IL1RAPL2: variants seen among roughly 807,000 people sequenced by gnomAD.
The protein encoded by IL1RAPL2 is interleukin 1 receptor accessory protein like 2.
A neutral mutation model predicts 44.1 loss-of-function variants in IL1RAPL2; 3 were observed. That is an observed-to-expected ratio of 0.07 (90% CI 0.03 to 0.18). The LOEUF is 0.18. Among genes scored for constraint, IL1RAPL2 ranks in the 10% least tolerant of loss-of-function variants. IL1RAPL2 has a pLI of 1.00. For missense variants in IL1RAPL2, 391 were observed against 496.4 expected (o/e 0.79, Z 2.02); for synonymous variants, 181 against 178.8 (o/e 1.01, Z -0.10).
At chrX:104,638,210 T>G (rs1032777849) in intron 1 of IL1RAPL2, among the ~76,000 whole-genome samples, 1 of 107,129 alleles carries the variant, frequency 9.3e-6, no homozygotes, top group Non-Finnish European at 1.9e-5. Flanking sequence ...AGTTGAAATG[T>G]TTTTTTTTCA....
intron 5 of IL1RAPL2, among the ~76,000 whole-genome samples, chrX:105,378,345 G>A (rs1432661094): frequency 8.9e-6 from 1 of 111,839 alleles, no homozygotes; most frequent in African/African-American, 3.2e-5. Flanking sequence ...GAAGAATGCT[G>A]TCTTTTATTT....
At chrX:105,145,872 G>A (rs890651335) in intron 2 of IL1RAPL2, among the ~76,000 whole-genome samples, 3 of 111,633 alleles carry the variant, frequency 2.7e-5, no homozygotes, top group African/African-American at 9.8e-5. Flanking sequence ...AAAATCATAT[G>A]TTGAAATCCT....
chrX:105,070,992 C>T (rs1490469575), intron 2 of IL1RAPL2, among the ~76,000 whole-genome samples: 1 of 111,303 alleles, frequency 9.0e-6, no homozygotes, highest in Non-Finnish European at 1.9e-5. Flanking sequence ...CAGCTGAGCA[C>T]TTGAAATGTG....
At chrX:105,167,567 G>A (rs2147598150) in intron 2 of IL1RAPL2, among the ~76,000 whole-genome samples, 1 of 110,869 alleles carries the variant, frequency 9.0e-6, no homozygotes, top group South Asian at 3.9e-4. Flanking sequence ...GCAGTTCTTT[G>A]AAAACAGCTT....
intron 6 of IL1RAPL2, among the ~76,000 whole-genome samples, chrX:105,593,342 A>C (rs1299269421): frequency 1.8e-5 from 2 of 111,457 alleles, no homozygotes. Context: ...TATTGGATTC[A>C]TTCCTTAGAT....
At chrX:104,916,298 T>A (rs1256649036) in intron 2 of IL1RAPL2, among the ~76,000 whole-genome samples, 5 of 111,793 alleles carry the variant, frequency 4.5e-5, no homozygotes, top group Non-Finnish European at 7.5e-5. Flanking sequence ...CCTTGTAAGT[T>A]GGATTCCTAG....
chrX:105,340,327 C>T (rs752773738), intron 5 of IL1RAPL2, among the ~76,000 whole-genome samples: 8 of 111,385 alleles, frequency 7.2e-5, no homozygotes, highest in African/African-American at 2.3e-4. Context: ...GAAATATTTC[C>T]AGAATCTGAG....
At chrX:105,260,846 G>A (rs1472518296) in intron 4 of IL1RAPL2, among the ~76,000 whole-genome samples, 1 of 112,481 alleles carries the variant, frequency 8.9e-6, no homozygotes, top group Non-Finnish European at 1.9e-5. Flanking sequence ...TTTTTAGGGA[G>A]GTGCAATGCC....
chrX:105,216,333 CA>C (rs1415480750), intron 3 of IL1RAPL2, among the ~76,000 whole-genome samples: 1 of 110,598 alleles, frequency 9.0e-6, no homozygotes, highest in Non-Finnish European at 1.9e-5. Flanking sequence ...AGCAGAGAGC[CA>C]AATCATGAGT....
chrX:105,259,842 G>T lies in IL1RAPL2; in HGVS notation c.544-7546G>T, dbSNP rs532958711. Among the ~76,000 whole-genome samples the T allele has an allele frequency of 1.5e-4, 17 of 111,824 alleles. No homozygotes were observed. The South Asian group carries it at 6.5e-3, about 43-fold the overall frequency. The stretch of plus-strand genomic sequence containing the variant: ...GCTAAGTTGCCTGGAGGACCTGCCC[G>T]GTAAGGAGATATGGGAATAGGCACC... On this transcript the variant is annotated intron_variant, in intron 4 of 10. Transcript: ENST00000372582.
At chrX:105,253,625 A>T (rs1274624408) in intron 4 of IL1RAPL2, among the ~76,000 whole-genome samples, 4 of 111,346 alleles carry the variant, frequency 3.6e-5, no homozygotes, top group African/African-American at 1.3e-4. Context: ...AACACGTGTC[A>T]CAGGGGTTTG....
chrX:104,852,001 C>T (rs1922238481), intron 2 of IL1RAPL2, among the ~76,000 whole-genome samples: 1 of 111,285 alleles, frequency 9.0e-6, no homozygotes, highest in Non-Finnish European at 1.9e-5. Flanking sequence ...CCCACTAGGC[C>T]CCACTTTCCA....
intron 3 of IL1RAPL2, among the ~76,000 whole-genome samples, chrX:105,227,400 A>G (rs2034027562): frequency 9.0e-6 from 1 of 111,696 alleles, no homozygotes; most frequent in African/African-American, 3.3e-5. Flanking sequence ...GTTTTGTTTT[A>G]TTTTAAAAAA....
intron 5 of IL1RAPL2, among the ~76,000 whole-genome samples, chrX:105,282,794 T>C (rs1369232119): frequency 2.7e-5 from 3 of 111,744 alleles, no homozygotes; most frequent in African/African-American, 9.7e-5. Context: ...CCCTAGTTAT[T>C]TGCTTAATGT....
chrX:104,630,905 T>A lies in IL1RAPL2; in HGVS notation c.-19-27990T>A, dbSNP rs149765946. ...GCACAACGTGCAGGTTAGTTACATA[T>A]GTATACATGTGCCATGTTGGTGTGC... On this transcript the variant is annotated intron_variant, in intron 1 of 10. Coordinates refer to ENST00000372582, the MANE Select transcript of IL1RAPL2 (RefSeq NM_017416.2). Among the ~76,000 whole-genome samples the A allele has an allele frequency of 2.3e-4, 25 of 109,914 alleles. No individual in the cohort carries two copies. The East Asian group carries it at 3.7e-3, about 16-fold the overall frequency.
intron 9 of IL1RAPL2, among the ~76,000 whole-genome samples, chrX:105,753,878 T>G (rs2038615697): frequency 9.0e-6 from 1 of 111,524 alleles, no homozygotes; most frequent in Non-Finnish European, 1.9e-5. Flanking sequence ...GCTAAAATCT[T>G]ACTAAAATTA....
chrX:105,512,954 G>A (rs890711871), intron 6 of IL1RAPL2, among the ~76,000 whole-genome samples: 1 of 109,837 alleles, frequency 9.1e-6, no homozygotes, highest in African/African-American at 3.3e-5. Context: ...GGTGTGTGAT[G>A]TTCCTTCCCT....
At chrX:104,948,565 A>G (rs1195285108) in intron 2 of IL1RAPL2, among the ~76,000 whole-genome samples, 1 of 108,541 alleles carries the variant, frequency 9.2e-6, no homozygotes, top group Non-Finnish European at 1.9e-5. Context: ...TGTCATAGAT[A>G]GCTCTTATTA....
chrX:104,577,383 T>G (rs565882110), intron 1 of IL1RAPL2, among the ~76,000 whole-genome samples: 1 of 111,682 alleles, frequency 9.0e-6, no homozygotes, highest in African/African-American at 3.3e-5. Context: ...AGCTGTGCAG[T>G]TTTTTCAAGC....
Sources: allele counts gnomAD v4.1 joint callset (sites outside exome capture counted in the v4.1 genomes callset), GRCh38; gene constraint gnomAD v4.1.1; transcripts MANE v1.5; gene names NCBI Gene and HGNC (gene_info 2026-07-23, HGNC 2026-07-21).